Variants in FER observed in about 807,000 individuals in gnomAD.
FER encodes FER tyrosine kinase.
A neutral mutation model predicts 111.0 loss-of-function variants in FER; 63 were observed. The observed-to-expected ratio is 0.57, with a 90% CI of 0.46 to 0.70. FER has a LOEUF of 0.70. Ranked by LOEUF, FER falls within the 30% of genes least tolerant of loss-of-function variation. The pLI is 0.00. For missense variants in FER, 914 were observed against 954.0 expected (o/e 0.96, Z 0.55); for synonymous variants, 327 against 313.9 (o/e 1.04, Z -0.44).
At chr5:109,075,074 GCTTT>G (rs1776165080) in intron 16 of FER, among the ~76,000 whole-genome samples, 1 of 152,088 alleles carries the variant, frequency 6.6e-6, no homozygotes, top group South Asian at 2.1e-4. Context: ...ATATATCTTA[GCTTT>G]CTAACTTTTC....
At position 109,195,778 on chromosome 5, in the gene FER, C is replaced by T. The variant is rs906372899; in HGVS notation, c.*8203C>T. 2 of 152,160 alleles carry T rather than the reference C, an allele frequency of 1.3e-5. No individual in the cohort carries two copies. The highest frequency in any genetic ancestry group is 4.8e-5 in the African/African-American group (2 of 41,438). The allele number at this position is 152,160 out of a possible 1,614,324, so 9.4% of individuals were successfully genotyped here. On this transcript the variant is annotated 3_prime_UTR_variant, in exon 20 of 20. Transcript: ENST00000281092. ...TTTCTGTTCATCATTCTTTACAGAG[C>T]ATTGAGGTTTCCCACTGAAACAGCT...
At position 109,188,499 on chromosome 5, in the gene FER, A is replaced by C. The variant is rs902295342; in HGVS notation, c.*924A>C. The C allele has an allele frequency of 5.3e-5, 8 of 151,998 alleles. No homozygotes were observed. Among genetic ancestry groups the C allele is most frequent in the Admixed American group, 2.6e-4 (4 of 15,266 alleles). The allele number at this position is 151,998 out of a possible 1,614,324, so 9.4% of individuals were successfully genotyped here. A position where few individuals can be genotyped will look rare whatever the true frequency, so the allele number is the denominator to read the frequency against. ...AGCTGTGAAGCAAGAAACAGATTTG[A>C]ACAGGAGGGTGGGCTGGAGAACAGA... On this transcript the variant is annotated 3_prime_UTR_variant, in exon 20 of 20. Coordinates refer to ENST00000281092, the MANE Select transcript of FER (RefSeq NM_005246.4).
intron 16 of FER, among the ~76,000 whole-genome samples, chr5:109,048,369 T>C (rs1373648130): frequency 6.6e-6 from 1 of 152,174 alleles, no homozygotes; most frequent in African/African-American, 2.4e-5. Context: ...GTGTAAATAT[T>C]ATAAAAATAC....
intron 3 of FER, among the ~76,000 whole-genome samples, chr5:108,817,414 A>G (rs967260152): frequency 1.3e-5 from 2 of 152,150 alleles, no homozygotes; most frequent in African/African-American, 4.8e-5. Context: ...AGAACCATTT[A>G]TTTTGAGTTA....
intron 9 of FER, among the ~76,000 whole-genome samples, chr5:108,885,672 C>T (rs928908972): frequency 6.6e-6 from 1 of 151,740 alleles, no homozygotes; most frequent in East Asian, 1.9e-4. Flanking sequence ...GATAAGGGCT[C>T]TACCTTCATG....
chr5:108,900,194 C>T (rs1214054144), intron 10 of FER, among the ~76,000 whole-genome samples: 1 of 152,118 alleles, frequency 6.6e-6, no homozygotes, highest in African/African-American at 2.4e-5. Flanking sequence ...GGCATTCTTA[C>T]AAATTAATGC....
At chr5:108,829,895 G>GAA (rs1343426154) in intron 3 of FER, among the ~76,000 whole-genome samples, 1 of 152,110 alleles carries the variant, frequency 6.6e-6, no homozygotes, top group Non-Finnish European at 1.5e-5. Context: ...TAAATGCTGA[G>GAA]AAAGAGTAAG....
intron 17 of FER, among the ~76,000 whole-genome samples, chr5:109,104,751 TC>T (rs2150074519): frequency 6.6e-6 from 1 of 152,302 alleles, no homozygotes; most frequent in South Asian, 2.1e-4. Context: ...TATTTTTTTT[TC>T]TTTTTTTTGA....
intron 13 of FER, among the ~76,000 whole-genome samples, chr5:109,016,553 A>G (rs879511608): frequency 6.6e-6 from 1 of 152,044 alleles, no homozygotes; most frequent in Non-Finnish European, 1.5e-5. Context: ...GTCTCTGATG[A>G]TATCAGACCA....
intron 16 of FER, among the ~76,000 whole-genome samples, chr5:109,072,889 C>A (rs1775929464): frequency 6.6e-6 from 1 of 152,058 alleles, no homozygotes. Context: ...TCTGGCAATT[C>A]CCAGCAATCC....
chr5:109,111,051 T>C (rs933177782), intron 17 of FER, among the ~76,000 whole-genome samples: 5 of 152,150 alleles, frequency 3.3e-5, no homozygotes, highest in Admixed American at 6.6e-5. Flanking sequence ...CAGTTTTTTA[T>C]ATTTAAATTG....
intron 16 of FER, among the ~76,000 whole-genome samples, chr5:109,048,728 A>G (rs1489338142): frequency 1.3e-5 from 2 of 152,118 alleles, no homozygotes; most frequent in Non-Finnish European, 2.9e-5. Flanking sequence ...TTATATCTCA[A>G]AGCTAATTGC....
intron 16 of FER, among the ~76,000 whole-genome samples, chr5:109,053,751 T>C (rs988010900): frequency 6.9e-6 from 1 of 145,618 alleles, no homozygotes; most frequent in Non-Finnish European, 1.5e-5. Flanking sequence ...AGTGCAGTGG[T>C]GCGATCTTGG....
At chr5:108,872,361 T>G in intron 8 of FER, 149 bp downstream of exon 8, 1 of 680,552 alleles carries the variant, frequency 1.5e-6, no homozygotes, top group Non-Finnish European at 2.3e-6. Flanking sequence ...ATATGTTAAT[T>G]TTACTCATTT....
intron 1 of FER, 69 bp from the exon 2 acceptor site, chr5:108,768,024 C>T (rs1387534576): frequency 6.6e-6 from 1 of 152,180 alleles, no homozygotes. Flanking sequence ...GCCAAGTATA[C>T]TGAAAGTGTA....
chr5:108,840,501 A>T (rs1761149125), intron 5 of FER, among the ~76,000 whole-genome samples: 1 of 151,720 alleles, frequency 6.6e-6, no homozygotes, highest in Admixed American at 6.6e-5. Context: ...TTTCATCTAG[A>T]ACAGTCCTCC....
intron 16 of FER, among the ~76,000 whole-genome samples, chr5:109,070,295 T>C (rs917618229): frequency 1.1e-4 from 17 of 152,046 alleles, no homozygotes; most frequent in African/African-American, 4.1e-4. Context: ...CACATGTTTT[T>C]AGACTTAAGG....
chr5:108,750,608 G>T (rs1423826419), intron 1 of FER, among the ~76,000 whole-genome samples: 1 of 152,216 alleles, frequency 6.6e-6, no homozygotes, highest in Non-Finnish European at 1.5e-5. Flanking sequence ...AGTTGTTGCA[G>T]CTTCTGCACT....
intron 16 of FER, among the ~76,000 whole-genome samples, chr5:109,057,824 A>G (rs1773839069): frequency 6.6e-6 from 1 of 152,362 alleles, no homozygotes; most frequent in African/African-American, 2.4e-5. Context: ...TACCAATTCT[A>G]TACAACCCAC....
Sources: allele counts gnomAD v4.1 joint callset (sites outside exome capture counted in the v4.1 genomes callset), GRCh38; gene constraint gnomAD v4.1.1; transcripts MANE v1.5; gene names NCBI Gene and HGNC (gene_info 2026-07-23, HGNC 2026-07-21).